The following ABCC5 variants were observed in gnomAD, a reference collection of about 807,000 sequenced individuals.
ABCC5 encodes the protein ATP binding cassette subfamily C member 5.
Under a neutral mutation model 160.9 loss-of-function variants are expected in ABCC5, and 61 were observed. The observed-to-expected ratio is 0.38, with a 90% confidence interval of 0.31 to 0.47. The LOEUF (loss-of-function observed/expected upper bound fraction) is 0.47, where lower values mean the gene tolerates loss of function less well. ABCC5 is among the 20% of genes least tolerant of loss of function. ABCC5 has a pLI of 0.99. For missense variants in ABCC5, 1,308 were observed against 1,813.3 expected (o/e 0.72, Z 5.06); for synonymous variants, 666 against 700.6 (o/e 0.95, Z 0.78).
intron 27 of ABCC5, among the ~76,000 whole-genome samples, chr3:183,928,384 T>C (rs532355800): frequency 1.3e-5 from 2 of 152,334 alleles, no homozygotes; most frequent in African/African-American, 4.8e-5. Flanking sequence ...AGTGCTGGGA[T>C]TACAGGCGAG....
rs1338423181 is a variant in ABCC5, at chr3:183,921,696, A to G, written c.4213-295T>C. On this transcript the variant is annotated intron_variant, in intron 29 of 29. Transcript: ENST00000334444. This position sits in a 1 kb window ranked among gnomAD's most constrained non-coding sequence, Gnocchi z 4.1. ...TTCCAGACCTCCTTCACATAAATCC[A>G]AATTCCTTCAGCCTTGGGAGTGAAG... is the stretch of plus-strand genomic sequence containing the variant. 6.6e-6 allele frequency among the ~76,000 whole-genome samples: 1 copy of G among 151,992 alleles called. No individual in the cohort carries two copies. The highest frequency in any genetic ancestry group is 1.5e-5 in the Non-Finnish European group (1 of 68,014).
intron 26 of ABCC5, among the ~76,000 whole-genome samples, chr3:183,934,947 C>T (rs1484508415): frequency 6.6e-6 from 1 of 152,156 alleles, no homozygotes; most frequent in Non-Finnish European, 1.5e-5. Context: ...TCAAGTTTAA[C>T]GTGCTTTATT....
intron 2 of ABCC5, among the ~76,000 whole-genome samples, chr3:184,008,296 T>C (rs1231867563): frequency 1.3e-5 from 2 of 152,130 alleles, no homozygotes; most frequent in African/African-American, 4.8e-5. Context: ...TCAGGGCTCG[T>C]GGAGTCATAT....
intron 14 of ABCC5, 140 bp downstream of exon 14, chr3:183,965,045 T>C: frequency 2.6e-6 from 2 of 772,880 alleles, no homozygotes; most frequent in Non-Finnish European, 4.2e-6. Flanking sequence ...GGACACATGC[T>C]TTCCTAACAC....
chr3:183,938,445 C>T (rs145424954), intron 25 of ABCC5, among the ~76,000 whole-genome samples: 57 of 152,190 alleles, frequency 3.7e-4, no homozygotes, highest in Middle Eastern at 3.4e-3. Context: ...ACTACAGGCA[C>T]GCGTCACCAT....
chr3:183,934,879 T>C (rs1414452973), intron 26 of ABCC5, among the ~76,000 whole-genome samples: 1 of 152,056 alleles, frequency 6.6e-6, no homozygotes, highest in Non-Finnish European at 1.5e-5. Context: ...AATGAAATGC[T>C]ATAAAATTGT....
At chr3:184,003,016 T>G (rs73181538) in intron 2 of ABCC5, among the ~76,000 whole-genome samples, 13,551 of 152,042 alleles carry the variant, frequency 0.089, 791 homozygotes, top group Non-Finnish European at 0.14. Flanking sequence ...TGTCTTCCTC[T>G]CCTCTCCTCA....
rs1036788809 is a variant in ABCC5 at position 183,963,664 on chromosome 3, T to C, written c.2032-76A>G. 3 of 1,428,382 alleles carry C rather than the reference T, an allele frequency of 2.1e-6. No individual in the cohort carries two copies. The African/African-American group carries it at 4.2e-5, about 20-fold the overall frequency. The allele number at this position is 1,428,382 out of a possible 1,614,324, so 88.5% of individuals were successfully genotyped here. On this transcript the variant is annotated intron_variant, in intron 14 of 29. Coordinates refer to ENST00000334444, the MANE Select transcript of ABCC5 (RefSeq NM_005688.4). This position sits in a 1 kb window ranked among gnomAD's most constrained non-coding sequence, Gnocchi z 4.6. ...CGTGGAGGGGTCACCCAGTCACTTC[T>C]CTTCTTGCCCACCCAGACCAGCTCC...
intron 8 of ABCC5, among the ~76,000 whole-genome samples, chr3:183,979,121 AATCACCT>A: frequency 6.6e-6 from 1 of 152,126 alleles, no homozygotes; most frequent in South Asian, 2.1e-4. Context: ...AAGCAGGGGG[AATCACCT>A]GAGGTCAGGT....
intron 2 of ABCC5, among the ~76,000 whole-genome samples, chr3:184,001,417 T>C (rs539032081): frequency 6.6e-6 from 1 of 152,246 alleles, no homozygotes; most frequent in South Asian, 2.1e-4. Flanking sequence ...AGGTATTTTA[T>C]GCTTACAGCA....
Position 183,947,505 on chromosome 3 carries a change from T to C in ABCC5, c.3233A>G (p.Gln1078Arg). Residue 1078 changes from glutamine (Q) to arginine (R), a missense_variant, in exon 23 of 30, where the codon CAG becomes CGG. Coordinates refer to ENST00000334444, the MANE Select transcript of ABCC5 (RefSeq NM_005688.4). ...NKGQEFLHRY[Q>R]ELLDDNQAPF... ...AGCTTGGTTGTCATCCAGCAGCTCC[T>C]GGTATCTGTGAGAAAGACAACACTT... is the stretch of plus-strand genomic sequence containing the variant. 6.3e-7 allele frequency: 1 copy of C among 1,592,452 alleles called. No homozygotes were observed.
intron 25 of ABCC5, among the ~76,000 whole-genome samples, chr3:183,941,285 G>A (rs1317028436): frequency 3.3e-5 from 5 of 152,174 alleles, no homozygotes; most frequent in Non-Finnish European, 7.3e-5. Flanking sequence ...TCAGCTTTCA[G>A]GGGAGCAGTG....
rs111868993 is a variant in ABCC5, at chr3:183,939,531, T to C, written c.3695-1471A>G. 6.3e-3 allele frequency among the ~76,000 whole-genome samples: 954 copies of C among 152,346 alleles called. 11 individuals are homozygous for C. The highest frequency in any genetic ancestry group is 0.022 in the African/African-American group (907 of 41,580). On this transcript the variant is annotated intron_variant, in intron 25 of 29. Coordinates refer to ENST00000334444, the MANE Select transcript of ABCC5 (RefSeq NM_005688.4). ...TAGTGGTTGCATTCCATCATGTGCA[T>C]GTATTCTTGTTCAGCCAGCCCTCTA...
intron 15 of ABCC5, among the ~76,000 whole-genome samples, chr3:183,962,585 G>A (rs564556269): frequency 5.3e-5 from 8 of 150,478 alleles, no homozygotes; most frequent in South Asian, 4.2e-4. Context: ...AGGCCGGAGT[G>A]CAATGATGCA....
At position 183,987,395 on chromosome 3, in the gene ABCC5, C is replaced by T. The variant is rs1347811581; in HGVS notation, c.591+375G>A. ...TGCCTCCAGGCACTTGGTATGTTCC[C>T]GGTGCTGGCTCACCAGCCCGGGCCA... On this transcript the variant is annotated intron_variant, in intron 5 of 29. Coordinates refer to ENST00000334444, the MANE Select transcript of ABCC5 (RefSeq NM_005688.4). The surrounding 1 kb of genome is among the most constrained non-coding windows in gnomAD (Gnocchi z 4.2). 1.6e-5 allele frequency: 8 copies of T among 493,388 alleles called. 1 individual carries two copies. The highest frequency in any genetic ancestry group is 3.8e-5 in the African/African-American group (2 of 52,052). The allele number at this position is 493,388 out of a possible 1,614,324, so 30.6% of individuals were successfully genotyped here.
chr3:183,950,329 T>C (rs565917407), intron 20 of ABCC5, among the ~76,000 whole-genome samples: 1 of 152,198 alleles, frequency 6.6e-6, no homozygotes, highest in East Asian at 1.9e-4. Context: ...CTCCACTCCC[T>C]TTTCTTGGTT....
At chr3:183,971,421 G>A (rs902594528) in intron 11 of ABCC5, 142 bp downstream of exon 11, 4 of 673,502 alleles carry the variant, frequency 5.9e-6, no homozygotes, top group Non-Finnish European at 9.9e-6. Flanking sequence ...TTTAGAGTTA[G>A]AGCTGGTCTA....
At chr3:183,992,706 G>A (rs1719881499) in intron 2 of ABCC5, among the ~76,000 whole-genome samples, 1 of 151,982 alleles carries the variant, frequency 6.6e-6, no homozygotes, top group Non-Finnish European at 1.5e-5. Context: ...GGAGAACGGT[G>A]TGAACCTGGG....
Position 183,938,189 on chromosome 3 carries a change from G to A in ABCC5, c.3695-129C>T, listed in dbSNP as rs1472768884. ...CAGTTGTTATTTCAACTGATTAACT[G>A]AGATAATGTATAAAATGATAGAAAA... On this transcript the variant is annotated intron_variant, in intron 25 of 29. Coordinates refer to ENST00000334444, the MANE Select transcript of ABCC5 (RefSeq NM_005688.4). 20 of 887,372 alleles carry A rather than the reference G, an allele frequency of 2.3e-5. No homozygotes were observed. In the South Asian group the frequency reaches 3.3e-4, roughly 15 times the overall value. 55.0% of individuals were successfully genotyped at this position (887,372 alleles called of 1,614,324 possible). A position where few individuals can be genotyped will look rare whatever the true frequency, so the allele number is the denominator to read the frequency against.
Sources: allele counts gnomAD v4.1 joint callset (sites outside exome capture counted in the v4.1 genomes callset), GRCh38; gene constraint gnomAD v4.1.1; non-coding constraint Gnocchi (gnomAD v3.1); transcripts MANE v1.5; gene names NCBI Gene and HGNC (gene_info 2026-07-23, HGNC 2026-07-21).